Variants in LRFN5 observed in about 807,000 individuals in gnomAD.
LRFN5 encodes leucine-rich repeat and fibronectin type-III domain-containing protein 5.
Under a neutral mutation model 45.6 loss-of-function variants are expected in LRFN5, and 24 were observed. That is an observed-to-expected ratio of 0.53 (90% CI 0.38 to 0.74). LRFN5 has a LOEUF of 0.74. Ranked by LOEUF, LRFN5 falls within the 30% of genes least tolerant of loss-of-function variation. The probability of loss-of-function intolerance (pLI) is 0.00; values close to 1 mark genes in which losing one functional copy is unlikely to be tolerated. For missense variants in LRFN5, 776 were observed against 861.5 expected, an observed-to-expected ratio of 0.90 and a Z score of 1.24; for synonymous variants, 340 against 313.8, an observed-to-expected ratio of 1.08 and a Z score of -0.88.
chr14:41,654,089 C>A (rs1475587705), intron 1 of LRFN5, among the ~76,000 whole-genome samples: 1 of 151,750 alleles, frequency 6.6e-6, no homozygotes, highest in East Asian at 1.9e-4. Context: ...AGGAGATATA[C>A]CTAATGTAAA....
intron 2 of LRFN5, among the ~76,000 whole-genome samples, chr14:41,871,160 A>G (rs1443469758): frequency 6.6e-6 from 1 of 152,218 alleles, no homozygotes; most frequent in Non-Finnish European, 1.5e-5. Flanking sequence ...TCCTAGGGAC[A>G]AAAGTAGATA....
intron 2 of LRFN5, among the ~76,000 whole-genome samples, chr14:41,838,458 T>C (rs1365305670): frequency 6.6e-6 from 1 of 152,114 alleles, no homozygotes; most frequent in Non-Finnish European, 1.5e-5. Flanking sequence ...CCATACAACC[T>C]AGTTATGAAG....
At chr14:41,712,577 A>T (rs774924717) in intron 1 of LRFN5, among the ~76,000 whole-genome samples, 1 of 152,216 alleles carries the variant, frequency 6.6e-6, no homozygotes, top group Admixed American at 6.5e-5. Context: ...AAGAGAAAGG[A>T]TCAAAAATAG....
intron 1 of LRFN5, among the ~76,000 whole-genome samples, chr14:41,749,832 A>G (rs1327765282): frequency 6.6e-6 from 1 of 152,176 alleles, no homozygotes; most frequent in Non-Finnish European, 1.5e-5. Flanking sequence ...TAAGTTCACT[A>G]ATTAGATGAG....
chr14:41,664,995 A>G (rs1001936665), intron 1 of LRFN5, among the ~76,000 whole-genome samples: 2 of 151,998 alleles, frequency 1.3e-5, no homozygotes, highest in African/African-American at 4.8e-5. Context: ...TCAGTAAACC[A>G]TTTTGCTGTC....
chr14:41,892,108 G>A (rs1287469940), intron 4 of LRFN5, 146 bp downstream of exon 4: 1 of 1,437,774 alleles, frequency 7.0e-7, no homozygotes, highest in Non-Finnish European at 9.1e-7. Flanking sequence ...TGAATGTGAT[G>A]TTTATTCAGT....
intron 2 of LRFN5, among the ~76,000 whole-genome samples, chr14:41,780,586 C>A (rs1886446661): frequency 2.1e-5 from 3 of 140,872 alleles, no homozygotes; most frequent in African/African-American, 8.1e-5. Context: ...AAGTGGGTTC[C>A]TTGCAGATAA....
chr14:41,786,068 TC>T (rs1594707853), intron 2 of LRFN5, among the ~76,000 whole-genome samples: 2 of 152,168 alleles, frequency 1.3e-5, no homozygotes, highest in East Asian at 3.9e-4. Context: ...ATGGTTTATG[TC>T]TATATTTTTG....
At chr14:41,894,087 A>T in intron 4 of LRFN5, 2 of 984,048 alleles carry the variant, frequency 2.0e-6, no homozygotes, top group Non-Finnish European at 1.2e-6. Context: ...TAGATTTATC[A>T]GCATAGTATT....
At chr14:41,753,016 A>G (rs962794843) in intron 1 of LRFN5, among the ~76,000 whole-genome samples, 23 of 152,214 alleles carry the variant, frequency 1.5e-4, no homozygotes, top group Admixed American at 1.5e-3. Flanking sequence ...CATTTATTAA[A>G]TAGGGAAACC....
intron 2 of LRFN5, among the ~76,000 whole-genome samples, chr14:41,792,612 G>A (rs893244966): frequency 2.0e-5 from 3 of 151,940 alleles, no homozygotes; most frequent in African/African-American, 2.4e-5. Context: ...TTGCACGTCT[G>A]TTTATATGCT....
At chr14:41,652,690 C>T (rs1411409957) in intron 1 of LRFN5, among the ~76,000 whole-genome samples, 2 of 152,068 alleles carry the variant, frequency 1.3e-5, no homozygotes, top group Non-Finnish European at 2.9e-5. Flanking sequence ...AGAGTAATTT[C>T]TCTTAAAATG....
At chr14:41,674,673 C>A (rs1174705617) in intron 1 of LRFN5, among the ~76,000 whole-genome samples, 2 of 150,648 alleles carry the variant, frequency 1.3e-5, no homozygotes, top group African/African-American at 4.9e-5. Context: ...ACCTCCCTCC[C>A]GGATGGGACG....
chr14:41,792,321 G>C (rs989992959), intron 2 of LRFN5, among the ~76,000 whole-genome samples: 1 of 152,048 alleles, frequency 6.6e-6, no homozygotes, highest in Non-Finnish European at 1.5e-5. Flanking sequence ...GTTCAGCTGT[G>C]CACGTATTAT....
chr14:41,667,218 A>G (rs1369009599), intron 1 of LRFN5, among the ~76,000 whole-genome samples: 1 of 152,160 alleles, frequency 6.6e-6, no homozygotes, highest in Non-Finnish European at 1.5e-5. Context: ...AATGTAGGCT[A>G]TCACTCTGCT....
intron 1 of LRFN5, among the ~76,000 whole-genome samples, chr14:41,630,969 G>A (rs1032285055): frequency 6.6e-5 from 10 of 152,112 alleles, no homozygotes; most frequent in Non-Finnish European, 1.2e-4. Flanking sequence ...AATGGCTTAT[G>A]TAAAGCTCTG....
At chr14:41,903,683 G>A (rs1202773002) in intron 5 of LRFN5, among the ~76,000 whole-genome samples, 7 of 151,512 alleles carry the variant, frequency 4.6e-5, no homozygotes, top group African/African-American at 1.7e-4. Context: ...GATTAGTTAA[G>A]GTGAATAATT....
intron 1 of LRFN5, among the ~76,000 whole-genome samples, chr14:41,689,805 G>C (rs1330908512): frequency 6.8e-6 from 1 of 146,144 alleles, no homozygotes; most frequent in Non-Finnish European, 1.5e-5. Context: ...TGAGGCAGGA[G>C]AATGGCGTGA....
intron 2 of LRFN5, among the ~76,000 whole-genome samples, chr14:41,871,817 T>A (rs988110484): frequency 2.4e-4 from 36 of 152,126 alleles, no homozygotes; most frequent in Non-Finnish European, 4.4e-4. Context: ...CAGTCCAACT[T>A]TTTTTACTAA....
Sources: allele counts gnomAD v4.1 joint callset (sites outside exome capture counted in the v4.1 genomes callset), GRCh38; gene constraint gnomAD v4.1.1; transcripts MANE v1.5; gene names NCBI Gene and HGNC (gene_info 2026-07-23, HGNC 2026-07-21).